Variants in SKIC3 observed in about 807,000 individuals in gnomAD.
The protein encoded by SKIC3 is superkiller complex protein 3.
the SKIC3 span, among the ~76,000 whole-genome samples, chr5:95,475,576 AAACTCTTC>A: frequency 6.6e-6 from 1 of 152,170 alleles, no homozygotes; most frequent in Non-Finnish European, 1.5e-5. Context: ...GAGCCAATTA[AAACTCTTC>A]TGTTTATAAA....
At chr5:95,536,651 T>C in the SKIC3 span, 1 of 631,920 alleles carries the variant, frequency 1.6e-6, no homozygotes, top group Admixed American at 2.8e-5. Context: ...CTATATTTAT[T>C]AGTCTTTTCA....
At chr5:95,509,626 T>C in the SKIC3 span, 4 of 1,613,944 alleles carry the variant, frequency 2.5e-6, no homozygotes, top group East Asian at 2.2e-5. Flanking sequence ...CCTTTTTCAG[T>C]TGTAGATGTT....
At chr5:95,534,330 TTTC>T in the SKIC3 span, among the ~76,000 whole-genome samples, 1 of 152,244 alleles carries the variant, frequency 6.6e-6, no homozygotes, top group South Asian at 2.1e-4. Flanking sequence ...CTACTAACTA[TTTC>T]TTCTTACACC....
the SKIC3 span, among the ~76,000 whole-genome samples, chr5:95,539,466 G>A: frequency 6.6e-6 from 1 of 152,144 alleles, no homozygotes; most frequent in East Asian, 1.9e-4. Context: ...GTGTGGATGT[G>A]GTAAAAAGGA....
the SKIC3 span, among the ~76,000 whole-genome samples, chr5:95,503,581 T>C: frequency 6.6e-6 from 1 of 152,210 alleles, no homozygotes; most frequent in Non-Finnish European, 1.5e-5. Context: ...AGTTTCCTCA[T>C]CTGTATAATG....
the SKIC3 span, chr5:95,528,916 T>TA: frequency 8.3e-7 from 1 of 1,206,618 alleles, no homozygotes; most frequent in Admixed American, 2.1e-5. Flanking sequence ...TTTTGGTTTT[T>TA]AAAAATCACT....
chr5:95,503,155 A>G, the SKIC3 span: 1 of 859,118 alleles, frequency 1.2e-6, no homozygotes, highest in Non-Finnish European at 1.8e-6. Flanking sequence ...ATAAAAATTT[A>G]TAATAATCTA....
At chr5:95,490,814 T>C in the SKIC3 span, 2 of 1,525,650 alleles carry the variant, frequency 1.3e-6, no homozygotes, top group South Asian at 1.2e-5. Context: ...ATATATTTTT[T>C]ATAACAACAT....
chr5:95,497,371 A>G, the SKIC3 span: 1 of 1,448,858 alleles, frequency 6.9e-7, no homozygotes, highest in Non-Finnish European at 9.6e-7. Context: ...TTACCATATC[A>G]CAAGTTATTT....
chr5:95,512,152 C>G, the SKIC3 span, among the ~76,000 whole-genome samples: 1 of 152,068 alleles, frequency 6.6e-6, no homozygotes, highest in Non-Finnish European at 1.5e-5. Context: ...CCTAAGACTG[C>G]AGAGAAAGTT....
At chr5:95,489,394 G>A in the SKIC3 span, among the ~76,000 whole-genome samples, 6 of 151,766 alleles carry the variant, frequency 4.0e-5, no homozygotes, top group Admixed American at 1.3e-4. Flanking sequence ...ATGACATAAA[G>A]GACAATAATT....
At chr5:95,464,924 C>CTTTT in the SKIC3 span, among the ~76,000 whole-genome samples, 15,290 of 106,974 alleles carry the variant, frequency 0.14, 1,727 homozygotes, top group African/African-American at 0.29. Context: ...ATTCTGATTG[C>CTTTT]TTTTTTTTTT....
At chr5:95,495,100 A>C in the SKIC3 span, 1 of 1,337,514 alleles carries the variant, frequency 7.5e-7, no homozygotes, top group South Asian at 1.2e-5. Flanking sequence ...AGACCTTTCC[A>C]CTAAATCACT....
the SKIC3 span, chr5:95,525,639 A>G: frequency 6.2e-7 from 1 of 1,614,098 alleles, no homozygotes; most frequent in East Asian, 2.2e-5. Flanking sequence ...GCTTTTGAGA[A>G]CCAAAAGTCC....
At chr5:95,521,425 T>A in the SKIC3 span, 1 of 152,508 alleles carries the variant, frequency 6.6e-6, no homozygotes, top group African/African-American at 2.4e-5. Context: ...AAGATTAGCA[T>A]GGCTACTGAG....
chr5:95,523,474 A>C, the SKIC3 span: 1 of 1,169,972 alleles, frequency 8.5e-7, no homozygotes. Context: ...TTCAACAATA[A>C]GTGGTTAGTA....
At chr5:95,503,671 T>C in the SKIC3 span, 3 of 1,082,150 alleles carry the variant, frequency 2.8e-6, no homozygotes, top group Non-Finnish European at 4.1e-6. Flanking sequence ...AAAAAGTGCC[T>C]AGTATTGCTG....
the SKIC3 span, among the ~76,000 whole-genome samples, chr5:95,496,206 CG>C: frequency 1.3e-5 from 2 of 151,898 alleles, no homozygotes; most frequent in Non-Finnish European, 2.9e-5. Context: ...TTAGTAGAGA[CG>C]GGGTTTTACC....
the SKIC3 span, among the ~76,000 whole-genome samples, chr5:95,505,761 C>A: frequency 6.7e-6 from 1 of 150,282 alleles, no homozygotes; most frequent in South Asian, 2.1e-4. Flanking sequence ...TGCAGTGAGC[C>A]AAGATCGCGC....
Sources: allele counts gnomAD v4.1 joint callset (sites outside exome capture counted in the v4.1 genomes callset), GRCh38; gene constraint gnomAD v4.1.1; transcripts MANE v1.5; gene names NCBI Gene and HGNC (gene_info 2026-07-23, HGNC 2026-07-21).